Variants in STARD13 observed in about 807,000 individuals in gnomAD.
STARD13 encodes the protein StAR related lipid transfer domain containing 13, also known as stAR-related lipid transfer protein 13.
STARD13 carries 62 observed loss-of-function variants against 106.4 expected under a neutral mutation model. That is an observed-to-expected ratio of 0.58 (90% confidence interval 0.48 to 0.72). The LOEUF (loss-of-function observed/expected upper bound fraction) is 0.72, where lower values mean the gene tolerates loss of function less well. STARD13 is among the 30% of genes least tolerant of loss of function. The pLI is 0.00. For synonymous variants in STARD13, 565 were observed against 553.0 expected (o/e 1.02, Z -0.31); for missense variants, 1,387 against 1,424.0 (o/e 0.97, Z 0.42).
At chr13:33,350,270 G>T (rs1393826544) in intron 1 of STARD13, 3 of 1,519,664 alleles carry the variant, frequency 2.0e-6, no homozygotes, top group Middle Eastern at 1.8e-4. Context: ...CGTGGGTCGC[G>T]GCGTCTCCGG....
chr13:33,652,312 T>A, the STARD13 span, among the ~76,000 whole-genome samples: 1 of 152,244 alleles, frequency 6.6e-6, no homozygotes, highest in Non-Finnish European at 1.5e-5. Context: ...ATTTTGATAA[T>A]TTAACTTAAC....
At chr13:33,268,640 A>G (rs537387879) in intron 1 of STARD13, among the ~76,000 whole-genome samples, 43 of 152,364 alleles carry the variant, frequency 2.8e-4, no homozygotes, top group African/African-American at 1.0e-3. Context: ...TGGAACTAAG[A>G]TTTGAACGTA....
At chr13:33,301,558 CTTTTTTTT>C (rs1435191465) in intron 1 of STARD13, among the ~76,000 whole-genome samples, 1 of 13,040 alleles carries the variant, frequency 7.7e-5, no homozygotes, top group Admixed American at 1.5e-3. Context: ...GTTTCTTTTT[CTTTTTTTT>C]TCTTTTTTTT....
chr13:33,592,038 C>T, the STARD13 span, among the ~76,000 whole-genome samples: 2,313 of 152,256 alleles, frequency 0.015, 53 homozygotes, highest in African/African-American at 0.052. Flanking sequence ...TTTAGCAACA[C>T]GGTTTTGAAT....
chr13:33,607,328 C>T, the STARD13 span, among the ~76,000 whole-genome samples: 14 of 148,806 alleles, frequency 9.4e-5, no homozygotes, highest in East Asian at 1.6e-3. Context: ...GACAGAACCT[C>T]GCTCTATCAC....
At chr13:33,421,467 C>T in the STARD13 span, among the ~76,000 whole-genome samples, 1 of 152,072 alleles carries the variant, frequency 6.6e-6, no homozygotes, top group East Asian at 1.9e-4. Context: ...GCCTACCAAC[C>T]AAAAAATGTC....
At chr13:33,640,511 C>G in the STARD13 span, among the ~76,000 whole-genome samples, 2 of 152,236 alleles carry the variant, frequency 1.3e-5, no homozygotes, top group African/African-American at 2.4e-5. Context: ...AACATACCAC[C>G]TCCTTCCTTC....
At chr13:33,239,441 T>A (rs1889358144) in intron 1 of STARD13, among the ~76,000 whole-genome samples, 1 of 152,192 alleles carries the variant, frequency 6.6e-6, no homozygotes. Context: ...TAATCTTTTT[T>A]AGGAACTTCC....
At chr13:33,471,594 A>G in the STARD13 span, among the ~76,000 whole-genome samples, 4 of 151,522 alleles carry the variant, frequency 2.6e-5, no homozygotes, top group Admixed American at 2.6e-4. Context: ...ATTGATTACC[A>G]GAGTAGATAC....
chr13:33,470,095 G>C, the STARD13 span, among the ~76,000 whole-genome samples: 1,001 of 152,104 alleles, frequency 6.6e-3, 11 homozygotes, highest in African/African-American at 0.022. Flanking sequence ...TCCCCTCTCT[G>C]TGTCCATGTG....
chr13:33,539,855 A>G, the STARD13 span, among the ~76,000 whole-genome samples: 1 of 152,236 alleles, frequency 6.6e-6, no homozygotes, highest in African/African-American at 2.4e-5. Context: ...CTGCTCTTTA[A>G]AAGACACTTT....
chr13:33,469,856 G>A, the STARD13 span, among the ~76,000 whole-genome samples: 1 of 151,984 alleles, frequency 6.6e-6, no homozygotes, highest in Non-Finnish European at 1.5e-5. Flanking sequence ...GGAAAAGGAT[G>A]TTCATGAGAC....
the STARD13 span, among the ~76,000 whole-genome samples, chr13:33,579,119 T>A: frequency 1.3e-5 from 2 of 152,012 alleles, no homozygotes; most frequent in African/African-American, 4.8e-5. Context: ...TAAAAGTAAT[T>A]CTACCATTTG....
At chr13:33,310,275 C>A (rs1197956026) in intron 1 of STARD13, among the ~76,000 whole-genome samples, 1 of 151,996 alleles carries the variant, frequency 6.6e-6, no homozygotes, top group African/African-American at 2.4e-5. Context: ...GACAAGACTG[C>A]AGGAAAAGAA....
chr13:33,336,027 C>T (rs780634764), intron 1 of STARD13, among the ~76,000 whole-genome samples: 18 of 152,140 alleles, frequency 1.2e-4, no homozygotes, highest in Non-Finnish European at 2.2e-4. Context: ...CATTGTGCAC[C>T]TCCTGTATAC....
At chr13:33,457,790 T>A in the STARD13 span, among the ~76,000 whole-genome samples, 1,247 of 152,288 alleles carry the variant, frequency 8.2e-3, 14 homozygotes, top group African/African-American at 0.029. Context: ...AGGGTTTCAT[T>A]CTCATGACTT....
At chr13:33,435,766 G>T in the STARD13 span, among the ~76,000 whole-genome samples, 3 of 152,274 alleles carry the variant, frequency 2.0e-5, no homozygotes, top group South Asian at 6.2e-4. Context: ...GCCTTGCACA[G>T]TGCAAGGGAC....
chr13:33,596,230 C>T, the STARD13 span, among the ~76,000 whole-genome samples: 1 of 152,158 alleles, frequency 6.6e-6, no homozygotes, highest in African/African-American at 2.4e-5. Context: ...TTGGTGTTTT[C>T]ATCATTTCTA....
the STARD13 span, among the ~76,000 whole-genome samples, chr13:33,635,685 A>C: frequency 3.3e-5 from 5 of 150,692 alleles, no homozygotes; most frequent in Non-Finnish European, 7.4e-5. Context: ...AACAAACAAA[A>C]AAAACACTTA....
Sources: gnomAD v4.1 joint callset for allele counts (sites outside exome capture counted in the v4.1 genomes callset) on GRCh38, gnomAD v4.1.1 for gene constraint, MANE v1.5 for transcripts, NCBI Gene and HGNC (gene_info 2026-07-23, HGNC 2026-07-21) for gene names.